The following SMAP1 variants were observed in gnomAD, a reference collection of about 807,000 sequenced individuals.
SMAP1 encodes small ArfGAP 1.
In SMAP1, 24 loss-of-function variants were observed where a neutral mutation model predicts 58.5. The observed-to-expected ratio is 0.41, with a 90% CI of 0.30 to 0.58. The LOEUF (loss-of-function observed/expected upper bound fraction) is 0.58, where lower values mean the gene tolerates loss of function less well. Ranked by LOEUF, SMAP1 falls within the 20% of genes least tolerant of loss-of-function variation. The pLI, the probability that SMAP1 is intolerant of heterozygous loss-of-function variation, is 0.29. For synonymous variants in SMAP1, 216 were observed against 196.6 expected (o/e 1.10, Z -0.82); for missense variants, 563 against 566.3 (o/e 0.99, Z 0.06).
intron 4 of SMAP1, among the ~76,000 whole-genome samples, chr6:70,790,642 A>AT (rs1768309083): frequency 6.6e-6 from 1 of 152,180 alleles, no homozygotes; most frequent in South Asian, 2.1e-4. Context: ...GGAGAAAAAA[A>AT]TTCCCTGAAG....
At chr6:70,785,864 A>G (rs138512799) in intron 4 of SMAP1, among the ~76,000 whole-genome samples, 3,701 of 152,318 alleles carry the variant, frequency 0.024, 172 homozygotes, top group African/African-American at 0.085. Context: ...GCCGAATTCT[A>G]CCAGAGGTAC....
At position 70,860,397 on chromosome 6, in the gene SMAP1, T is replaced by C; in HGVS notation, c.*63T>C. ...ACATTCCTTGCTGAAACGCATCTAG[T>C]TCCCCTGTTTATTCATATGCATATT... On this transcript the variant is annotated 3_prime_UTR_variant, in exon 11 of 11. Coordinates refer to ENST00000370455, the MANE Select transcript of SMAP1 (RefSeq NM_001044305.3). The C allele has an allele frequency of 1.9e-6, 3 of 1,547,876 alleles. No homozygotes were observed. Among genetic ancestry groups the C allele is most frequent in the Non-Finnish European group, 2.6e-6 (3 of 1,148,926 alleles).
chr6:70,714,597 G>A (rs148449986), intron 1 of SMAP1, among the ~76,000 whole-genome samples: 3 of 151,206 alleles, frequency 2.0e-5, no homozygotes, highest in East Asian at 2.0e-4. Context: ...TTTAGGTTTT[G>A]TACTGGGATT....
intron 2 of SMAP1, among the ~76,000 whole-genome samples, chr6:70,738,492 A>C (rs533690002): frequency 1.3e-5 from 2 of 149,540 alleles, no homozygotes; most frequent in African/African-American, 2.5e-5. Context: ...ACAGGTTTCT[A>C]TTGTAACCTA....
chr6:70,707,481 C>G (rs1767884619), intron 1 of SMAP1, among the ~76,000 whole-genome samples: 1 of 151,968 alleles, frequency 6.6e-6, no homozygotes, highest in African/African-American at 2.4e-5. Context: ...TTTACTGTTG[C>G]CTTTGCGAAA....
At chr6:70,712,870 T>C (rs1345681449) in intron 1 of SMAP1, among the ~76,000 whole-genome samples, 1 of 151,458 alleles carries the variant, frequency 6.6e-6, no homozygotes, top group Non-Finnish European at 1.5e-5. Flanking sequence ...CATGGTTCAC[T>C]GCAACCTCTG....
intron 3 of SMAP1, among the ~76,000 whole-genome samples, chr6:70,755,629 C>G (rs1010327969): frequency 1.3e-5 from 2 of 151,984 alleles, no homozygotes; most frequent in African/African-American, 4.8e-5. Flanking sequence ...GATGGGTTTA[C>G]TGGGGCCTAA....
chr6:70,697,020 A>G (rs573728856), intron 1 of SMAP1, among the ~76,000 whole-genome samples: 2 of 152,134 alleles, frequency 1.3e-5, no homozygotes, highest in East Asian at 3.9e-4. Context: ...TTCTCTTGAA[A>G]TCTATTTTGT....
intron 6 of SMAP1, among the ~76,000 whole-genome samples, chr6:70,827,847 A>G (rs1770199753): frequency 6.6e-6 from 1 of 152,230 alleles, no homozygotes; most frequent in African/African-American, 2.4e-5. Context: ...GATTGGGGAA[A>G]TAAAATGTAG....
intron 1 of SMAP1, among the ~76,000 whole-genome samples, chr6:70,706,314 C>T (rs116738369): frequency 2.6e-3 from 402 of 152,226 alleles, no homozygotes; most frequent in African/African-American, 8.4e-3. Context: ...CCTTTCCCCC[C>T]AACTATCTTA....
chr6:70,791,340 G>A (rs1768342706), intron 4 of SMAP1, among the ~76,000 whole-genome samples: 1 of 152,060 alleles, frequency 6.6e-6, no homozygotes. Flanking sequence ...ACGTTTCAGA[G>A]CATTTGTATT....
intron 4 of SMAP1, among the ~76,000 whole-genome samples, chr6:70,789,454 G>A (rs946423626): frequency 6.6e-5 from 10 of 151,610 alleles, no homozygotes; most frequent in Admixed American, 1.3e-4. Context: ...ACCCTTTTGC[G>A]TCTTTCTTCC....
intron 3 of SMAP1, among the ~76,000 whole-genome samples, chr6:70,768,802 G>A (rs557392917): frequency 2.0e-5 from 3 of 152,260 alleles, no homozygotes; most frequent in Non-Finnish European, 4.4e-5. Flanking sequence ...GCTTTTGAAT[G>A]TGTTTGCTCT....
At chr6:70,753,806 G>T (rs1319499666) in intron 2 of SMAP1, among the ~76,000 whole-genome samples, 1 of 150,918 alleles carries the variant, frequency 6.6e-6, no homozygotes, top group East Asian at 1.9e-4. Flanking sequence ...ACTGCCCTCC[G>T]CCCCCCGCCC....
chr6:70,683,927 A>C (rs1766827431), intron 1 of SMAP1, among the ~76,000 whole-genome samples: 1 of 152,210 alleles, frequency 6.6e-6, no homozygotes, highest in Admixed American at 6.5e-5. Context: ...TCACGTATTA[A>C]TGTGTTACCC....
chr6:70,806,473 G>T (rs1769137098), intron 6 of SMAP1, among the ~76,000 whole-genome samples: 1 of 152,184 alleles, frequency 6.6e-6, no homozygotes, highest in African/African-American at 2.4e-5. Flanking sequence ...GTGAGGTGAT[G>T]CCCCGCCCTC....
intron 1 of SMAP1, among the ~76,000 whole-genome samples, chr6:70,694,980 A>G (rs1330399511): frequency 6.6e-6 from 1 of 152,196 alleles, no homozygotes. Context: ...AGTTTCTCGC[A>G]TCAATGTTCT....
At chr6:70,840,694 T>C (rs958890910) in intron 7 of SMAP1, among the ~76,000 whole-genome samples, 4 of 152,236 alleles carry the variant, frequency 2.6e-5, no homozygotes, top group Non-Finnish European at 4.4e-5. Context: ...TATTAATTTG[T>C]GTTTGAAAGC....
chr6:70,770,046 A>C (rs1767203707), intron 3 of SMAP1, among the ~76,000 whole-genome samples: 1 of 151,376 alleles, frequency 6.6e-6, no homozygotes, highest in Non-Finnish European at 1.5e-5. Flanking sequence ...TTCTGGCTTG[A>C]AAATTCTTTT....
Sources: allele counts gnomAD v4.1 joint callset (sites outside exome capture counted in the v4.1 genomes callset), GRCh38; gene constraint gnomAD v4.1.1; transcripts MANE v1.5; gene names NCBI Gene and HGNC (gene_info 2026-07-23, HGNC 2026-07-21).